Variants in ACSM2A observed in about 807,000 individuals in gnomAD.
ACSM2A encodes the protein acyl-coenzyme A synthetase ACSM2A, mitochondrial.
Under a neutral mutation model 76.6 loss-of-function variants are expected in ACSM2A, and 72 were observed. The observed-to-expected ratio is 0.94, with a 90% CI of 0.78 to 1.14. The LOEUF (loss-of-function observed/expected upper bound fraction) is 1.14, where lower values mean the gene tolerates loss of function less well. Ranked by LOEUF, ACSM2A falls within the 50% of genes most tolerant of loss-of-function variation. The pLI is 0.00. For synonymous variants in ACSM2A, 249 were observed against 255.9 expected (o/e 0.97, Z 0.26); for missense variants, 684 against 708.5 (o/e 0.97, Z 0.39).
In ACSM2A at chr16:20,471,588, T is replaced by G; in HGVS notation, c.793T>G (p.Trp265Gly). ...AATGTGGACCATATCAGACACAGGT[T>G]GGATACTGAACATCTTGTGCTCACT... ...DIMWTISDTG[W>G]ILNILCSLME... is the part of the protein sequence containing the mutation. The change falls in exon 6 of 14, where the codon TGG (tryptophan) becomes GGG (glycine). Residue 265 changes from tryptophan (W) to glycine (G), a missense_variant. By Grantham distance (184) the Trp-to-Gly change is radical. Transcript: ENST00000573854. 6.2e-7 allele frequency: 1 copy of G among 1,614,066 alleles called. No homozygotes were observed. Among genetic ancestry groups the G allele is most frequent in the African/African-American group, 1.3e-5 (1 of 75,044 alleles).
rs534099878 is a variant in ACSM2A, at chr16:20,475,056, T to C, written c.895-306T>C. Among the ~76,000 whole-genome samples the C allele has an allele frequency of 8.6e-5, 13 of 151,026 alleles. No homozygotes were observed. The East Asian group carries it at 2.3e-3, about 27-fold the overall frequency. ...TAGTTGCTGGGGGGTGATCTACTCC[T>C]AGGGGTGTGTTAACGAGGGCAAGTC... On this transcript the variant is annotated intron_variant, in intron 6 of 13. Transcript: ENST00000573854.
intron 3 of ACSM2A, among the ~76,000 whole-genome samples, chr16:20,466,660 T>C (rs1009163731): frequency 1.5e-4 from 23 of 152,194 alleles, no homozygotes; most frequent in African/African-American, 5.6e-4. Flanking sequence ...GAAGCTGTCT[T>C]CTTGTGTTGA....
At chr16:20,470,999 G>T in intron 4 of ACSM2A, 74 bp from the exon 5 acceptor site, 1 of 1,593,934 alleles carries the variant, frequency 6.3e-7, no homozygotes, top group East Asian at 2.2e-5. Flanking sequence ...AGTGGGTGGT[G>T]GGAAAAGATG....
chr16:20,474,148 TTCTCAGGACATCCTGAGG>T, intron 6 of ACSM2A: 1 of 405,202 alleles, frequency 2.5e-6, no homozygotes, highest in Non-Finnish European at 4.8e-6. Context: ...TGGGCACGTG[TTCTCAGGACATCCTGAGG>T]GCTCTGTCAT....
chr16:20,455,749 C>T (rs1342965450), intron 1 of ACSM2A, among the ~76,000 whole-genome samples: 1 of 147,498 alleles, frequency 6.8e-6, no homozygotes. Flanking sequence ...AAAAAAAACC[C>T]AAGCTACACA....
At chr16:20,485,598 A>G (rs1455882412) in intron 13 of ACSM2A, among the ~76,000 whole-genome samples, 1 of 152,220 alleles carries the variant, frequency 6.6e-6, no homozygotes, top group East Asian at 1.9e-4. Flanking sequence ...TGAGTGTTTC[A>G]ATGAAACTTT....
rs1349662791 is a variant in ACSM2A, at chr16:20,465,579, G to A, written c.240G>A (p.Met80Ile). 1 of 1,613,850 alleles carries A rather than the reference G, an allele frequency of 6.2e-7. No homozygotes were observed. Among genetic ancestry groups the A allele is most frequent in the South Asian group, 1.1e-5 (1 of 91,070 alleles). ...TGAATGGGAAGGGGAAGGAATTAATGTGGAATTTCAGAGAACTGAGTGAAA... is the reference window on the plus strand; with the variant it reads ...TGAATGGGAAGGGGAAGGAATTAATATGGAATTTCAGAGAACTGAGTGAAA... ...WWVNGKGKEL[M>I]WNFRELSENS... is the part of the protein sequence containing the mutation. Residue 80 changes from methionine to isoleucine, a missense_variant, in exon 3 of 14, where the codon ATG becomes ATA. Coordinates refer to ENST00000573854, the MANE Select transcript of ACSM2A (RefSeq NM_001308172.2).
intron 8 of ACSM2A, chr16:20,476,122 T>C: frequency 1.8e-6 from 2 of 1,089,412 alleles, no homozygotes; most frequent in Non-Finnish European, 2.2e-6. Flanking sequence ...TCCTCTGTGA[T>C]GGGGAAACAT....
chr16:20,458,144 G>C (rs2141685409), intron 1 of ACSM2A, among the ~76,000 whole-genome samples: 1 of 151,394 alleles, frequency 6.6e-6, no homozygotes, highest in South Asian at 2.1e-4. Flanking sequence ...CCTGCTGAAA[G>C]AAATCATAGA....
At chr16:20,462,207 C>A (rs2012664557) in intron 2 of ACSM2A, among the ~76,000 whole-genome samples, 1 of 152,092 alleles carries the variant, frequency 6.6e-6, no homozygotes, top group Admixed American at 6.5e-5. Context: ...GACTCCTAAG[C>A]AGTAAGCAAG....
At chr16:20,483,326 T>C (rs1441405342) in intron 13 of ACSM2A, 149 bp downstream of exon 13, 4 of 1,321,874 alleles carry the variant, frequency 3.0e-6, no homozygotes, top group Admixed American at 4.7e-5. Flanking sequence ...TCCCAGCACT[T>C]TGGGAGGCTG....
intron 9 of ACSM2A, among the ~76,000 whole-genome samples, chr16:20,478,267 T>A (rs2013866396): frequency 6.6e-6 from 1 of 152,184 alleles, no homozygotes; most frequent in African/African-American, 2.4e-5. Context: ...GCCCGATTTC[T>A]AAGTCCACAG....
intron 3 of ACSM2A, among the ~76,000 whole-genome samples, chr16:20,468,705 T>G (rs2013172004): frequency 6.6e-6 from 1 of 152,216 alleles, no homozygotes; most frequent in Admixed American, 6.5e-5. Flanking sequence ...CAAAGGAGTC[T>G]CATTAAAATA....
intron 8 of ACSM2A, chr16:20,476,807 G>A: frequency 7.1e-6 from 6 of 846,334 alleles, no homozygotes; most frequent in Non-Finnish European, 8.7e-6. Context: ...TATTCTGTTG[G>A]GAAGGTTCAT....
In ACSM2A at chr16:20,465,666, G is replaced by A. The variant is rs532994502; in HGVS notation, c.327G>A (p.Val109=). The change falls in exon 3 of 14, where the codon GTG becomes GTA. Residue 109 remains valine (V), a synonymous_variant. Coordinates refer to ENST00000573854, the MANE Select transcript of ACSM2A (RefSeq NM_001308172.2). Reference sequence around the variant, plus strand: ...GTGGCCTGCAGCGTGGGGATCGTGTGGCAGTGGTGCTGCCCCGAGTGCCTG... The same window carrying A: ...GTGGCCTGCAGCGTGGGGATCGTGTAGCAGTGGTGCTGCCCCGAGTGCCTG... The part of the protein sequence containing the change: ...GACGLQRGDR[V]AVVLPRVPEW... The A allele has an allele frequency of 4.3e-6, 7 of 1,613,992 alleles. No individual in the cohort carries two copies. In the African/African-American group the frequency reaches 5.3e-5, roughly 12 times the overall value.
At chr16:20,484,627 A>C (rs1020968438) in intron 13 of ACSM2A, among the ~76,000 whole-genome samples, 3 of 146,126 alleles carry the variant, frequency 2.1e-5, no homozygotes, top group Admixed American at 1.4e-4. Flanking sequence ...AGAAAGGAGC[A>C]GAACTGAGCA....
intron 2 of ACSM2A, among the ~76,000 whole-genome samples, chr16:20,462,108 T>C (rs1259952259): frequency 6.6e-6 from 1 of 152,128 alleles, no homozygotes; most frequent in Non-Finnish European, 1.5e-5. Context: ...GTCTGAAAAA[T>C]ATCTCAAAGG....
rs892895068 is a variant in ACSM2A, at chr16:20,463,270, A to G, written c.178-2247A>G. Among the ~76,000 whole-genome samples the G allele has an allele frequency of 1.7e-3, 254 of 152,252 alleles. 1 individual carries two copies. The highest frequency in any genetic ancestry group is 5.8e-3 in the African/African-American group (240 of 41,528). On this transcript the variant is annotated intron_variant, in intron 2 of 13. Transcript: ENST00000573854. ...ATATCAGGCAAATCCAACCAAAAAA[A>G]AAAGAGAATATTGTATTTTTCAATG...
At chr16:20,465,180 A>C (rs1198617646) in intron 2 of ACSM2A, among the ~76,000 whole-genome samples, 1 of 152,178 alleles carries the variant, frequency 6.6e-6, no homozygotes, top group African/African-American at 2.4e-5. Flanking sequence ...AAATAAATAA[A>C]ATAATGCCAC....
Sources: allele counts gnomAD v4.1 joint callset (sites outside exome capture counted in the v4.1 genomes callset), GRCh38; gene constraint gnomAD v4.1.1; transcripts MANE v1.5; gene names NCBI Gene and HGNC (gene_info 2026-07-23, HGNC 2026-07-21).